The following KHDRBS2 variants were observed in gnomAD, a reference collection of about 807,000 sequenced individuals.
The protein encoded by KHDRBS2 is KH RNA binding domain containing, signal transduction associated 2.
Under a neutral mutation model 44.3 loss-of-function variants are expected in KHDRBS2, and 26 were observed. That is an observed-to-expected ratio of 0.59 (90% CI 0.43 to 0.81). The LOEUF (loss-of-function observed/expected upper bound fraction) is 0.81, where lower values mean the gene tolerates loss of function less well. Among genes scored for constraint, KHDRBS2 ranks in the 40% least tolerant of loss-of-function variants. KHDRBS2 has a pLI of 0.00. For missense variants in KHDRBS2, 476 were observed against 433.1 expected (o/e 1.10, Z -0.88); for synonymous variants, 194 against 151.1 (o/e 1.28, Z -2.08).
intron 2 of KHDRBS2, among the ~76,000 whole-genome samples, chr6:62,161,351 T>A (rs961222679): frequency 6.6e-6 from 1 of 151,176 alleles, no homozygotes; most frequent in Non-Finnish European, 1.5e-5. Flanking sequence ...TTTAAAAAAA[T>A]TGAAAAAATA....
chr6:61,877,150 T>C (rs188389583), intron 6 of KHDRBS2, among the ~76,000 whole-genome samples: 2 of 152,150 alleles, frequency 1.3e-5, no homozygotes, highest in East Asian at 3.9e-4. Flanking sequence ...ATATTTACTA[T>C]CTGGCCTTTT....
In KHDRBS2 at chr6:62,232,528, C is replaced by T. The variant is rs148172596; in HGVS notation, c.91+53330G>A. Among the ~76,000 whole-genome samples, 379 of 152,094 alleles carry T rather than the reference C, an allele frequency of 2.5e-3. 1 individual carries two copies. Among genetic ancestry groups the T allele is most frequent in the African/African-American group, 8.9e-3 (368 of 41,516 alleles). On this transcript the variant is annotated intron_variant, in intron 1 of 8. Transcript: ENST00000281156. ...TTCCCCAATGGAAAAAAACCACCAACAACAACAAAACATACACCTGAAATA... is the reference window on the plus strand; with the variant it reads ...TTCCCCAATGGAAAAAAACCACCAATAACAACAAAACATACACCTGAAATA...
the KHDRBS2 span, among the ~76,000 whole-genome samples, chr6:61,568,278 C>T: frequency 1.3e-5 from 2 of 152,136 alleles, no homozygotes; most frequent in Admixed American, 1.3e-4. Flanking sequence ...TAAAGTGATG[C>T]CTTCCACTTC....
chr6:62,266,899 G>T (rs1309544812), intron 1 of KHDRBS2, among the ~76,000 whole-genome samples: 1 of 151,960 alleles, frequency 6.6e-6, no homozygotes, highest in Admixed American at 6.6e-5. Flanking sequence ...ATTACAATTA[G>T]ACTAGCAAAC....
At chr6:61,795,983 G>T (rs779467374) in intron 6 of KHDRBS2, among the ~76,000 whole-genome samples, 3 of 152,076 alleles carry the variant, frequency 2.0e-5, no homozygotes, top group Non-Finnish European at 4.4e-5. Context: ...CATGAGGATG[G>T]AATAAAACAG....
chr6:61,720,495 T>C (rs1203177619), intron 7 of KHDRBS2, among the ~76,000 whole-genome samples: 8 of 152,174 alleles, frequency 5.3e-5, no homozygotes, highest in Admixed American at 3.9e-4. Flanking sequence ...TGGTACCTCA[T>C]TGTGGTTTTG....
chr6:61,845,478 T>C (rs755582129), intron 6 of KHDRBS2, among the ~76,000 whole-genome samples: 1 of 152,120 alleles, frequency 6.6e-6, no homozygotes, highest in African/African-American at 2.4e-5. Flanking sequence ...CCCAGCTAAT[T>C]TTTGTATTCT....
chr6:61,764,168 C>T (rs560139682), intron 6 of KHDRBS2, among the ~76,000 whole-genome samples: 3 of 152,238 alleles, frequency 2.0e-5, no homozygotes, highest in African/African-American at 7.2e-5. Context: ...GAGCTCATTC[C>T]TTTTTAGGAG....
the KHDRBS2 span, among the ~76,000 whole-genome samples, chr6:61,561,860 T>C: frequency 6.6e-6 from 1 of 152,122 alleles, no homozygotes; most frequent in Non-Finnish European, 1.5e-5. Flanking sequence ...TGCAAATCTA[T>C]ATCTCTTCCC....
At chr6:61,844,494 CT>C (rs1330978662) in intron 6 of KHDRBS2, among the ~76,000 whole-genome samples, 1 of 152,024 alleles carries the variant, frequency 6.6e-6, no homozygotes, top group East Asian at 1.9e-4. Flanking sequence ...TATAATGATC[CT>C]TGTGATAACC....
the KHDRBS2 span, among the ~76,000 whole-genome samples, chr6:61,565,864 A>G: frequency 6.6e-6 from 1 of 152,158 alleles, no homozygotes; most frequent in Admixed American, 6.5e-5. Context: ...TGCTGGGTAT[A>G]TATCCAAAAG....
intron 2 of KHDRBS2, among the ~76,000 whole-genome samples, chr6:62,092,218 G>T (rs1799623455): frequency 1.3e-5 from 2 of 151,746 alleles, no homozygotes; most frequent in South Asian, 2.1e-4. Context: ...CAGTGAATTT[G>T]GGGTTTGACG....
intron 6 of KHDRBS2, among the ~76,000 whole-genome samples, chr6:61,771,836 C>A (rs1449282311): frequency 2.0e-5 from 3 of 152,132 alleles, no homozygotes; most frequent in Admixed American, 1.3e-4. Flanking sequence ...ACCGAGCGGA[C>A]CTAATAGAAA....
chr6:61,643,363 T>G, the KHDRBS2 span, among the ~76,000 whole-genome samples: 11 of 152,110 alleles, frequency 7.2e-5, no homozygotes, highest in African/African-American at 2.7e-4. Flanking sequence ...TCATACAGAA[T>G]GGGCAAAAGC....
intron 1 of KHDRBS2, among the ~76,000 whole-genome samples, chr6:62,224,446 C>T (rs1196626216): frequency 6.6e-6 from 1 of 152,006 alleles, no homozygotes; most frequent in African/African-American, 2.4e-5. Context: ...TATGGGAATA[C>T]GACTCCCTAA....
chr6:61,776,901 A>T (rs1782125919), intron 6 of KHDRBS2, among the ~76,000 whole-genome samples: 1 of 152,200 alleles, frequency 6.6e-6, no homozygotes, highest in South Asian at 2.1e-4. Flanking sequence ...ATGTCCAACA[A>T]CGATAGAATG....
chr6:61,547,567 A>G, the KHDRBS2 span, among the ~76,000 whole-genome samples: 1 of 152,122 alleles, frequency 6.6e-6, no homozygotes, highest in Non-Finnish European at 1.5e-5. Flanking sequence ...GTGGCTGACC[A>G]AGTCATGTTT....
intron 5 of KHDRBS2, 89 bp downstream of exon 5, chr6:61,901,155 T>A: frequency 8.0e-7 from 1 of 1,244,196 alleles, no homozygotes; most frequent in Non-Finnish European, 1.1e-6. Context: ...CTGATGTTGT[T>A]GTTTACTGCT....
intron 4 of KHDRBS2, among the ~76,000 whole-genome samples, chr6:61,912,640 T>G (rs1311623712): frequency 5.9e-5 from 9 of 152,132 alleles, no homozygotes; most frequent in Admixed American, 5.2e-4. Context: ...GTGACATCTC[T>G]CTGCTCTCAG....
Sources: allele counts gnomAD v4.1 joint callset (sites outside exome capture counted in the v4.1 genomes callset), GRCh38; gene constraint gnomAD v4.1.1; transcripts MANE v1.5; gene names NCBI Gene and HGNC (gene_info 2026-07-23, HGNC 2026-07-21).